Variants in EPHX2 observed in about 807,000 individuals in gnomAD.
EPHX2 encodes bifunctional epoxide hydrolase 2.
Under a neutral mutation model 78.7 loss-of-function variants are expected in EPHX2, and 74 were observed. The observed-to-expected ratio is 0.94, with a 90% CI of 0.78 to 1.14. The LOEUF (loss-of-function observed/expected upper bound fraction) is 1.14. Among genes scored for constraint, EPHX2 ranks in the 50% most tolerant of loss-of-function variants. The pLI is 0.00. For missense variants in EPHX2, 715 were observed against 702.5 expected (o/e 1.02, Z -0.20); for synonymous variants, 251 against 255.2 (o/e 0.98, Z 0.16).
chr8:27,500,661 C>T (rs571081472), intron 1 of EPHX2, among the ~76,000 whole-genome samples: 15 of 152,270 alleles, frequency 9.9e-5, no homozygotes, highest in South Asian at 4.2e-4. Flanking sequence ...AAGTAGGAAG[C>T]GCCTCTGGGT....
chr8:27,527,655 G>A (rs1372376653), intron 12 of EPHX2, among the ~76,000 whole-genome samples: 1 of 152,174 alleles, frequency 6.6e-6, no homozygotes, highest in Non-Finnish European at 1.5e-5. Flanking sequence ...TTGTCCTTGT[G>A]TGACTAGTTT....
In EPHX2 at chr8:27,515,879, G is replaced by GACGTGGACTGTC. The variant is rs1814431433; in HGVS notation, c.831+67_831+78dup. 12 of 1,372,504 alleles carry GACGTGGACTGTC rather than the reference G, an allele frequency of 8.7e-6. No homozygotes were observed. The South Asian group carries it at 1.4e-4, about 16-fold the overall frequency. The allele number at this position is 1,372,504 out of a possible 1,614,324, so 85.0% of individuals were successfully genotyped here. On this transcript the variant is annotated intron_variant, in intron 7 of 18. Coordinates refer to ENST00000521400, the MANE Select transcript of EPHX2 (RefSeq NM_001979.6). The stretch of plus-strand genomic sequence containing the variant: ...TGGGGGAGTCTAGATGGTGTGGTCC[G>GACGTGGACTGTC]ACGTGGACTGTCGTGAGGAAGCTGA...
chr8:27,540,980 C>T (rs1467101753), intron 15 of EPHX2, among the ~76,000 whole-genome samples: 1 of 152,186 alleles, frequency 6.6e-6, no homozygotes, highest in Non-Finnish European at 1.5e-5. Context: ...ACATAAAAAT[C>T]CACATAAACT....
intron 10 of EPHX2, 118 bp downstream of exon 10, chr8:27,521,027 G>C: frequency 8.3e-7 from 1 of 1,211,662 alleles, no homozygotes; most frequent in South Asian, 1.2e-5. Context: ...TTTTGGGGCA[G>C]TTTAGGGCAG....
intron 11 of EPHX2, 94 bp downstream of exon 11, chr8:27,522,602 C>A: frequency 7.9e-7 from 1 of 1,262,652 alleles, no homozygotes; most frequent in South Asian, 1.3e-5. Flanking sequence ...GAAAACTTCT[C>A]AAAAACAAGT....
intron 15 of EPHX2, 97 bp downstream of exon 15, chr8:27,540,753 C>A (rs1815372629): frequency 1.7e-6 from 2 of 1,164,076 alleles, no homozygotes; most frequent in African/African-American, 1.5e-5. Context: ...TTCTCCTCCA[C>A]CACAGCCCTC....
intron 1 of EPHX2, chr8:27,492,972 C>A: frequency 6.5e-6 from 1 of 154,582 alleles, no homozygotes; most frequent in South Asian, 1.9e-4. Flanking sequence ...AGAAGGGGCC[C>A]TGCCGTTGTA....
At chr8:27,510,320 A>G (rs951805034) in intron 5 of EPHX2, among the ~76,000 whole-genome samples, 30 of 152,160 alleles carry the variant, frequency 2.0e-4, no homozygotes, top group African/African-American at 6.5e-4. Flanking sequence ...ATATTCACAT[A>G]CGTGTCCTCA....
chr8:27,511,195 C>T (rs553187629), intron 5 of EPHX2, among the ~76,000 whole-genome samples: 1 of 152,196 alleles, frequency 6.6e-6, no homozygotes, highest in Non-Finnish European at 1.5e-5. Context: ...CCACAGCAAA[C>T]TAATACAAAG....
At chr8:27,524,683 C>G (rs77240406) in intron 11 of EPHX2, among the ~76,000 whole-genome samples, 1,935 of 152,238 alleles carry the variant, frequency 0.013, 44 homozygotes, top group African/African-American at 0.045. Context: ...GTTCTCCTCC[C>G]CAGCTCTCCC....
chr8:27,519,214 A>T (rs1027404999), intron 9 of EPHX2, among the ~76,000 whole-genome samples: 2 of 152,246 alleles, frequency 1.3e-5, no homozygotes, highest in Admixed American at 6.5e-5. Context: ...GAGACAACCC[A>T]CATGTCCATC....
intron 10 of EPHX2, among the ~76,000 whole-genome samples, chr8:27,522,155 G>T (rs1234723130): frequency 6.6e-6 from 1 of 151,976 alleles, no homozygotes; most frequent in Non-Finnish European, 1.5e-5. Flanking sequence ...AAGAACGAAA[G>T]AAAATTTGAT....
At position 27,539,879 on chromosome 8, in the gene EPHX2, G is replaced by A. The variant is rs903588949; in HGVS notation, c.1277-675G>A. ...TGGAATGACCAGTTCCTGTGCCTCCGGGTCTTCGTGAATCTGAAAATGCCG... is the reference window on the plus strand; with the variant it reads ...TGGAATGACCAGTTCCTGTGCCTCCAGGTCTTCGTGAATCTGAAAATGCCG... On this transcript the variant is annotated intron_variant, in intron 14 of 18. Coordinates refer to ENST00000521400, the MANE Select transcript of EPHX2 (RefSeq NM_001979.6). Among the ~76,000 whole-genome samples the A allele has an allele frequency of 7.2e-5, 11 of 152,192 alleles. No homozygotes were observed. In the East Asian group the frequency reaches 7.7e-4, roughly 11 times the overall value.
intron 12 of EPHX2, 152 bp downstream of exon 12, chr8:27,525,625 C>A: frequency 1.4e-6 from 1 of 727,552 alleles, no homozygotes; most frequent in Non-Finnish European, 2.4e-6. Flanking sequence ...AAACTGGCTG[C>A]CATGCCCAGC....
intron 16 of EPHX2, among the ~76,000 whole-genome samples, chr8:27,543,006 T>TCCCCCCCCCCCCCC (rs60846123): frequency 1.0e-5 from 1 of 99,726 alleles, no homozygotes; most frequent in Admixed American, 1.1e-4. Context: ...TCCCATCCTC[T>TCCCCCCCCCCCCCC]CCCCCCCCCG....
chr8:27,501,243 G>A (rs1813757004), intron 2 of EPHX2, among the ~76,000 whole-genome samples: 1 of 152,012 alleles, frequency 6.6e-6, no homozygotes, highest in African/African-American at 2.4e-5. Context: ...GAACATTATT[G>A]AATTATTGAC....
intron 8 of EPHX2, among the ~76,000 whole-genome samples, chr8:27,517,544 A>G (rs1354437384): frequency 1.3e-5 from 2 of 152,252 alleles, no homozygotes; most frequent in Non-Finnish European, 2.9e-5. Flanking sequence ...ACATAAAGAC[A>G]GACATACTTT....
intron 5 of EPHX2, among the ~76,000 whole-genome samples, chr8:27,510,952 G>T (rs1031487016): frequency 6.6e-6 from 1 of 152,034 alleles, no homozygotes; most frequent in South Asian, 2.1e-4. Context: ...CCCCAAAAAA[G>T]GGAGAAGAGG....
chr8:27,538,720 T>G (rs1479978985), intron 14 of EPHX2, 28 bp downstream of exon 14: 2 of 1,610,438 alleles, frequency 1.2e-6, no homozygotes, highest in African/African-American at 2.7e-5. Context: ...GAGAGCCATA[T>G]CTGGAACCAG....
Sources: allele counts gnomAD v4.1 joint callset (sites outside exome capture counted in the v4.1 genomes callset), GRCh38; gene constraint gnomAD v4.1.1; transcripts MANE v1.5; gene names NCBI Gene and HGNC (gene_info 2026-07-23, HGNC 2026-07-21).